POGLUT3: variants seen among roughly 807,000 people sequenced by gnomAD.
The protein encoded by POGLUT3 is KDEL (Lys-Asp-Glu-Leu) containing 2.
A neutral mutation model predicts 54.3 loss-of-function variants in POGLUT3; 48 were observed. The ratio of observed to expected loss-of-function variants is 0.88; its 90% CI spans 0.70 to 1.12. The LOEUF (loss-of-function observed/expected upper bound fraction) is 1.12. Ranked by LOEUF, POGLUT3 falls within the 50% of genes most tolerant of loss-of-function variation. The pLI is 0.00. For missense variants in POGLUT3, 629 were observed against 618.7 expected (o/e 1.02, Z -0.18); for synonymous variants, 218 against 237.4 (o/e 0.92, Z 0.75).
At position 108,474,784 on chromosome 11, in the gene POGLUT3, T is replaced by G; in HGVS notation, c.*43A>C. On this transcript the variant is annotated 3_prime_UTR_variant, in exon 8 of 8. Coordinates refer to ENST00000323468, the MANE Select transcript of POGLUT3 (RefSeq NM_153705.5). Reference sequence around the variant, plus strand: ...TCACAGCTTAGATTCAATCTTTCCTTAAAGTGTAGCCGGGATACACAGGAG... The same window carrying G: ...TCACAGCTTAGATTCAATCTTTCCTGAAAGTGTAGCCGGGATACACAGGAG... The G allele has an allele frequency of 6.3e-7, 1 of 1,577,784 alleles. No homozygotes were observed. Among genetic ancestry groups the G allele is most frequent in the Non-Finnish European group, 8.6e-7 (1 of 1,164,500 alleles).
rs2093576878 is a variant in POGLUT3 at position 108,474,713 on chromosome 11, C to G, written c.*114G>C. Reference sequence around the variant, plus strand: ...GCTATATCCATCTACATATATAAAGCCACCGGGAGAACTAGTCCACTTGGT... The same window carrying G: ...GCTATATCCATCTACATATATAAAGGCACCGGGAGAACTAGTCCACTTGGT... On this transcript the variant is annotated 3_prime_UTR_variant, in exon 8 of 8. Coordinates refer to ENST00000323468, the MANE Select transcript of POGLUT3 (RefSeq NM_153705.5). 5 of 1,229,794 alleles carry G rather than the reference C, an allele frequency of 4.1e-6. No individual in the cohort carries two copies. The highest frequency in any genetic ancestry group is 2.2e-5 in the Admixed American group (1 of 46,204). 76.2% of individuals were successfully genotyped at this position (1,229,794 alleles called of 1,614,324 possible).
chr11:108,486,817 G>A (rs147574109), intron 2 of POGLUT3: 81 of 167,284 alleles, frequency 4.8e-4, no homozygotes, highest in Middle Eastern at 3.1e-3. Context: ...CTCCTAGACC[G>A]TCCAAATGGA....
chr11:108,474,748 T>C lies in POGLUT3; in HGVS notation c.*79A>G. On this transcript the variant is annotated 3_prime_UTR_variant, in exon 8 of 8. Coordinates refer to ENST00000323468, the MANE Select transcript of POGLUT3 (RefSeq NM_153705.5). ...AACTAGTCCACTTGGTGCAGTCTTCTATACTGTCCTTCACAGCTTAGATTC... is the reference window on the plus strand; with the variant it reads ...AACTAGTCCACTTGGTGCAGTCTTCCATACTGTCCTTCACAGCTTAGATTC... The C allele has an allele frequency of 1.3e-6, 2 of 1,561,160 alleles. No homozygotes were observed. The highest frequency in any genetic ancestry group is 1.4e-5 in the African/African-American group (1 of 73,582).
In POGLUT3 at chr11:108,474,944, G is replaced by C. The variant is rs755427233; in HGVS notation, c.1407C>G (p.Ala469=). Residue 469 remains alanine, a synonymous_variant, in exon 8 of 8, where the codon GCC becomes GCG. Coordinates refer to ENST00000323468, the MANE Select transcript of POGLUT3 (RefSeq NM_153705.5). ...CYYYQVLQKY[A]ERQSSKPEVR... is the part of the protein sequence containing the mutation. ...CTTCGGGTTTGCTGGACTGGCGCTC[G>C]GCATATTTCTGAAACGTGGGTTTAA... 2.2e-5 allele frequency: 35 copies of C among 1,613,666 alleles called. 1 individual carries two copies. The East Asian group carries it at 7.1e-4, about 33-fold the overall frequency.
At chr11:108,478,456 A>G (rs1303706666) in intron 6 of POGLUT3, among the ~76,000 whole-genome samples, 1 of 152,224 alleles carries the variant, frequency 6.6e-6, no homozygotes, top group African/African-American at 2.4e-5. Context: ...TCACGTTACA[A>G]CATCTTTTAA....
At chr11:108,493,362 T>A (rs550420106) in intron 1 of POGLUT3, among the ~76,000 whole-genome samples, 16 of 152,316 alleles carry the variant, frequency 1.1e-4, no homozygotes, top group African/African-American at 3.1e-4. Context: ...AATGTTAGAA[T>A]CAATGCAAGA....
chr11:108,478,220 A>G (rs1006050216), intron 6 of POGLUT3: 1 of 152,908 alleles, frequency 6.5e-6, no homozygotes. Context: ...AGGAAGAGAC[A>G]GAGTATTTTC....
In POGLUT3 at chr11:108,486,264, T is replaced by G; in HGVS notation, c.577A>C (p.Ile193Leu). 6.2e-7 allele frequency: 1 copy of G among 1,614,128 alleles called. No homozygotes were observed. The change falls in exon 3 of 8, where the codon ATT becomes CTT. Residue 193 changes from isoleucine (I) to leucine (L), a missense_variant. Ile to Leu is a conservative substitution (Grantham distance 5). Coordinates refer to ENST00000323468, the MANE Select transcript of POGLUT3 (RefSeq NM_153705.5). ...PKRFGDERGA[I>L]VHYTILNNHV... The stretch of plus-strand genomic sequence containing the variant: ...TTATTGAGAATCGTGTAATGAACAA[T>G]GGCACCTCTCTCATCCCCAAACCTT...
At position 108,474,585 on chromosome 11, in the gene POGLUT3, T is replaced by G; in HGVS notation, c.*242A>C. On this transcript the variant is annotated 3_prime_UTR_variant, in exon 8 of 8. Coordinates refer to ENST00000323468, the MANE Select transcript of POGLUT3 (RefSeq NM_153705.5). ...TTAGACTTGGATCTCATCCCCAAGA[T>G]ACCTCATTATGTACATGCAAATATT... The G allele has an allele frequency of 3.3e-6, 1 of 302,418 alleles. No homozygotes were observed. Among genetic ancestry groups the G allele is most frequent in the Non-Finnish European group, 6.1e-6 (1 of 164,166 alleles). 18.7% of individuals were successfully genotyped at this position (302,418 alleles called of 1,614,324 possible).
In POGLUT3 at chr11:108,498,311, G is replaced by T; in HGVS notation, c.56C>A (p.Ala19Asp). 1 of 1,445,962 alleles carries T rather than the reference G, an allele frequency of 6.9e-7. No homozygotes were observed. Among genetic ancestry groups the T allele is most frequent in the Non-Finnish European group, 9.1e-7 (1 of 1,096,270 alleles). The allele number at this position is 1,445,962 out of a possible 1,614,324, so 89.6% of individuals were successfully genotyped here. A position where few individuals can be genotyped will look rare whatever the true frequency, so the allele number is the denominator to read the frequency against. Residue 19 changes from alanine (A) to aspartate (D), a missense_variant, in exon 1 of 8, where the codon GCC (alanine) becomes GAC (aspartate). By Grantham distance (126) the Ala-to-Asp change is moderately radical. Coordinates refer to ENST00000323468, the MANE Select transcript of POGLUT3 (RefSeq NM_153705.5). ...GACCAGCACCTCCGGGGCCCCCGCG[G>T]CCACCAGCAGGGCGAGGCGCAGCTG... Reference protein sequence around the residue: ...LLQLRLALLVAAGAPEVLVSA... With the variant: ...LLQLRLALLVDAGAPEVLVSA...
At chr11:108,497,476 C>A (rs957082344) in intron 1 of POGLUT3, among the ~76,000 whole-genome samples, 4 of 152,112 alleles carry the variant, frequency 2.6e-5, no homozygotes, top group Non-Finnish European at 5.9e-5. Flanking sequence ...CTGACAACAG[C>A]GTGAAACCAG....
chr11:108,478,338 T>C (rs2093586178), intron 6 of POGLUT3, among the ~76,000 whole-genome samples: 2 of 152,118 alleles, frequency 1.3e-5, no homozygotes, highest in Non-Finnish European at 2.9e-5. Context: ...GCAGCCCCTA[T>C]TGTGACCATC....
intron 5 of POGLUT3, among the ~76,000 whole-genome samples, chr11:108,480,714 A>G (rs1053220880): frequency 2.6e-5 from 4 of 152,192 alleles, no homozygotes; most frequent in Middle Eastern, 3.2e-3. Context: ...TTTAAAGACC[A>G]AGGCACCAAG....
chr11:108,479,397 A>G lies in POGLUT3; in HGVS notation c.1197T>C (p.Tyr399=). The stretch of plus-strand genomic sequence containing the variant: ...CTAGTGCCATGTAGAAATGTTCATA[A>G]TATGGCGAGTCCTGCTTTAAAACCA... ...DSLVLKQDSP[Y]YEHFYMALEP... The change falls in exon 6 of 8, where the codon TAT becomes TAC. Residue 399 remains tyrosine, a synonymous_variant. Transcript: ENST00000323468. 1 of 1,612,870 alleles carries G rather than the reference A, an allele frequency of 6.2e-7. No individual in the cohort carries two copies. Among genetic ancestry groups the G allele is most frequent in the Non-Finnish European group, 8.5e-7 (1 of 1,179,816 alleles).
intron 1 of POGLUT3, chr11:108,491,488 GAGT>G (rs2093613307): frequency 2.2e-6 from 1 of 460,128 alleles, no homozygotes; most frequent in South Asian, 3.0e-5. Context: ...TCAGCCCCAT[GAGT>G]AGCTGGGACT....
intron 2 of POGLUT3, chr11:108,486,664 C>A: frequency 2.0e-6 from 1 of 494,062 alleles, no homozygotes; most frequent in Non-Finnish European, 3.6e-6. Flanking sequence ...CCAATCTAAC[C>A]TACTCTCGGT....
intron 3 of POGLUT3, 41 bp downstream of exon 3, chr11:108,486,115 CT>C: frequency 7.0e-7 from 1 of 1,427,234 alleles, no homozygotes. Flanking sequence ...AATGTTATAC[CT>C]AAATAATTAA....
rs557207865 is a variant in POGLUT3, at chr11:108,498,102, C to T, written c.202+63G>A. On this transcript the variant is annotated intron_variant, in intron 1 of 7. Coordinates refer to ENST00000323468, the MANE Select transcript of POGLUT3 (RefSeq NM_153705.5). Reference sequence around the variant, plus strand: ...GCCACGCAGGCCGCGGGCGGACTCCCGGGCGGCGGGGACGCGCGGGGACCC... The same window carrying T: ...GCCACGCAGGCCGCGGGCGGACTCCTGGGCGGCGGGGACGCGCGGGGACCC... 116 of 1,402,392 alleles carry T rather than the reference C, an allele frequency of 8.3e-5. 1 individual carries two copies. The East Asian group carries it at 2.5e-3, about 31-fold the overall frequency. The allele number at this position is 1,402,392 out of a possible 1,614,324, so 86.9% of individuals were successfully genotyped here. A position where few individuals can be genotyped will look rare whatever the true frequency, so the allele number is the denominator to read the frequency against.
chr11:108,498,106 C>G, intron 1 of POGLUT3, 59 bp downstream of exon 1: 2 of 1,410,032 alleles, frequency 1.4e-6, no homozygotes, highest in Non-Finnish European at 1.9e-6. Flanking sequence ...GACTCCCGGG[C>G]GGCGGGGACG....
Sources: allele counts gnomAD v4.1 joint callset (sites outside exome capture counted in the v4.1 genomes callset), GRCh38; gene constraint gnomAD v4.1.1; transcripts MANE v1.5; gene names NCBI Gene and HGNC (gene_info 2026-07-23, HGNC 2026-07-21).